TMEM266: variants seen among roughly 807,000 people sequenced by gnomAD.
TMEM266 encodes the protein transmembrane protein 266, also known as Hv1 related protein 1.
TMEM266 carries 33 observed loss-of-function variants against 50.5 expected under a neutral mutation model. That is an observed-to-expected ratio of 0.65 (90% CI 0.50 to 0.87). The LOEUF is 0.87. Among genes scored for constraint, TMEM266 ranks in the 40% least tolerant of loss-of-function variants. TMEM266 has a pLI of 0.00. For missense variants in TMEM266, 655 were observed against 695.1 expected (o/e 0.94, Z 0.65); for synonymous variants, 310 against 292.3 (o/e 1.06, Z -0.62).
chr15:76,126,549 T>G (rs1474826800), intron 1 of TMEM266, among the ~76,000 whole-genome samples: 2 of 151,692 alleles, frequency 1.3e-5, no homozygotes, highest in African/African-American at 4.8e-5. Context: ...TTTTTTTTTT[T>G]TAGACGGAGT....
At chr15:76,116,057 C>T (rs546593231) in intron 1 of TMEM266, among the ~76,000 whole-genome samples, 2 of 152,232 alleles carry the variant, frequency 1.3e-5, no homozygotes, top group East Asian at 1.9e-4. Flanking sequence ...TTTAAATTAA[C>T]GAGTTGAGTT....
rs539333558 is a variant in TMEM266 at position 76,161,467 on chromosome 15, C to T, written c.456+1299C>T. Among the ~76,000 whole-genome samples, 758 of 152,022 alleles carry T rather than the reference C, an allele frequency of 5.0e-3. 5 individuals carry two copies. The highest frequency in any genetic ancestry group is 0.018 in the African/African-American group (739 of 41,444). ...CTGGCCTAGCTAATGGCTCTGCTCT[C>T]TCTCTCTCTCTCTCCCTAAAAATCA... On this transcript the variant is annotated intron_variant, in intron 5 of 10. Coordinates refer to ENST00000388942, the MANE Select transcript of TMEM266 (RefSeq NM_152335.3). The surrounding 1 kb of genome is among the most constrained non-coding windows in gnomAD (Gnocchi z 4.1).
intron 1 of TMEM266, among the ~76,000 whole-genome samples, chr15:76,105,125 A>G (rs574178195): frequency 6.6e-4 from 100 of 152,254 alleles, no homozygotes; most frequent in Non-Finnish European, 1.2e-3. Context: ...GCACACCTAT[A>G]ATCCCAGCTA....
At chr15:76,154,116 C>A (rs1235033660) in intron 3 of TMEM266, among the ~76,000 whole-genome samples, 1 of 152,238 alleles carries the variant, frequency 6.6e-6, no homozygotes, top group Non-Finnish European at 1.5e-5. Context: ...GACCCCTTGG[C>A]TCTTGAGTTT....
At chr15:76,083,450 A>G (rs373635631) in intron 1 of TMEM266, among the ~76,000 whole-genome samples, 1 of 152,012 alleles carries the variant, frequency 6.6e-6, no homozygotes, top group South Asian at 2.1e-4. Flanking sequence ...TTTTTTCTCC[A>G]GGCTCACTGG....
intron 1 of TMEM266, among the ~76,000 whole-genome samples, chr15:76,066,718 A>G (rs1188995433): frequency 6.6e-6 from 1 of 151,860 alleles, no homozygotes; most frequent in African/African-American, 2.4e-5. Context: ...TTTCATCGGC[A>G]TCTGCTGTGT....
intron 1 of TMEM266, among the ~76,000 whole-genome samples, chr15:76,083,149 A>G (rs1319522909): frequency 6.6e-6 from 1 of 152,020 alleles, no homozygotes. Context: ...TGAGATTTGG[A>G]GAGGACAAAC....
intron 1 of TMEM266, among the ~76,000 whole-genome samples, chr15:76,100,776 A>G (rs892184365): frequency 1.3e-5 from 2 of 152,232 alleles, no homozygotes; most frequent in Non-Finnish European, 2.9e-5. Flanking sequence ...CCATCTGCCT[A>G]TAAAGACAGA....
At position 76,139,722 on chromosome 15, in the gene TMEM266, A is replaced by G. The variant is rs188213835; in HGVS notation, c.227+1827A>G. Among the ~76,000 whole-genome samples the G allele has an allele frequency of 6.6e-6, 1 of 152,292 alleles. No individual in the cohort carries two copies. The highest frequency in any genetic ancestry group is 1.9e-4 in the East Asian group (1 of 5,180). On this transcript the variant is annotated intron_variant, in intron 3 of 10. Coordinates refer to ENST00000388942, the MANE Select transcript of TMEM266 (RefSeq NM_152335.3). This position sits in a 1 kb window ranked among gnomAD's most constrained non-coding sequence, Gnocchi z 4.1. Reference sequence around the variant, plus strand: ...CTAACATGCCCTAGCTATTTCGGAGAATTCATTTCCTGCCCCCGGCCTGAG... The same window carrying G: ...CTAACATGCCCTAGCTATTTCGGAGGATTCATTTCCTGCCCCCGGCCTGAG...
intron 8 of TMEM266, among the ~76,000 whole-genome samples, chr15:76,180,555 C>A (rs957254119): frequency 4.8e-4 from 68 of 141,770 alleles, no homozygotes; most frequent in South Asian, 9.9e-4. Context: ...GCTGGGGCAG[C>A]GTGGGTCAGG....
Position 76,134,198 on chromosome 15 carries a change from C to T in TMEM266, c.-66C>T. On this transcript the variant is annotated 5_prime_UTR_variant, in exon 2 of 11. Coordinates refer to ENST00000388942, the MANE Select transcript of TMEM266 (RefSeq NM_152335.3). ...TATATTTGTATGTGTCTTGTAGAAC[C>T]CACGCTTGGAAATGCTGACAGCAGG... is the stretch of plus-strand genomic sequence containing the variant. 1.3e-6 allele frequency: 2 copies of T among 1,557,762 alleles called. No homozygotes were observed. The highest frequency in any genetic ancestry group is 1.8e-6 in the Non-Finnish European group (2 of 1,130,954).
chr15:76,178,596 C>A (rs1329708402), intron 8 of TMEM266: 1 of 152,258 alleles, frequency 6.6e-6, no homozygotes, highest in Admixed American at 6.6e-5. Context: ...ACGGCAACCC[C>A]ACCTCCCAGG....
chr15:76,100,261 T>C (rs766946587), intron 1 of TMEM266, among the ~76,000 whole-genome samples: 1 of 152,242 alleles, frequency 6.6e-6, no homozygotes, highest in South Asian at 2.1e-4. Context: ...GGAAAACTTA[T>C]ATTTTCTGTT....
chr15:76,176,527 G>C (rs913471076), intron 8 of TMEM266: 1 of 152,534 alleles, frequency 6.6e-6, no homozygotes, highest in Non-Finnish European at 1.5e-5. Flanking sequence ...TGTGGGGGAT[G>C]GTCCAAATGA....
chr15:76,149,518 G>T (rs984085156), intron 3 of TMEM266, among the ~76,000 whole-genome samples: 1 of 152,168 alleles, frequency 6.6e-6, no homozygotes, highest in Non-Finnish European at 1.5e-5. Context: ...CATCACCATA[G>T]ATCATAGGAT....
chr15:76,088,889 T>G (rs937137108), intron 1 of TMEM266, among the ~76,000 whole-genome samples: 1 of 148,478 alleles, frequency 6.7e-6, no homozygotes, highest in Non-Finnish European at 1.5e-5. Context: ...CAGTCAGGAG[T>G]TCAAGAGCAG....
chr15:76,077,779 C>T (rs1359977667), intron 1 of TMEM266, among the ~76,000 whole-genome samples: 2 of 152,046 alleles, frequency 1.3e-5, no homozygotes, highest in African/African-American at 2.4e-5. Context: ...GCTAGGCCCT[C>T]ACGACACCTT....
intron 1 of TMEM266, among the ~76,000 whole-genome samples, chr15:76,066,675 G>A (rs1020281066): frequency 1.1e-4 from 16 of 151,772 alleles, no homozygotes; most frequent in African/African-American, 3.9e-4. Context: ...CTTTATTGGC[G>A]TTGTGAGTTG....
At chr15:76,165,893 G>T (rs944008892) in intron 5 of TMEM266, among the ~76,000 whole-genome samples, 3 of 152,182 alleles carry the variant, frequency 2.0e-5, no homozygotes, top group Non-Finnish European at 2.9e-5. Flanking sequence ...GTTGTAACCC[G>T]GGGCAGGGTC....
Sources: allele counts gnomAD v4.1 joint callset (sites outside exome capture counted in the v4.1 genomes callset), GRCh38; gene constraint gnomAD v4.1.1; non-coding constraint Gnocchi (gnomAD v3.1); transcripts MANE v1.5; gene names NCBI Gene and HGNC (gene_info 2026-07-23, HGNC 2026-07-21).